Variants in MAP3K5 observed in about 807,000 individuals in gnomAD.
MAP3K5 encodes the protein mitogen-activated protein kinase kinase kinase 5, also known as ASK-1.
In MAP3K5, 56 loss-of-function variants were observed where a neutral mutation model predicts 158.7. The observed-to-expected ratio is 0.35, with a 90% CI of 0.28 to 0.44. MAP3K5 has a LOEUF of 0.44. Ranked by LOEUF, MAP3K5 falls within the 20% of genes least tolerant of loss-of-function variation. The pLI is 1.00. For missense variants in MAP3K5, 1,294 were observed against 1,674.8 expected (o/e 0.77, Z 3.97); for synonymous variants, 579 against 601.7 (o/e 0.96, Z 0.55).
At chr6:136,762,940 AAAT>A (rs896202637) in intron 1 of MAP3K5, among the ~76,000 whole-genome samples, 1 of 152,232 alleles carries the variant, frequency 6.6e-6, no homozygotes, top group African/African-American at 2.4e-5. Flanking sequence ...GGCTGCAATG[AAAT>A]AATACATACC....
chr6:136,669,471 T>G, intron 7 of MAP3K5, 76 bp from the exon 8 acceptor site: 2 of 825,494 alleles, frequency 2.4e-6, no homozygotes, highest in African/African-American at 1.7e-5. Flanking sequence ...TCTGTTTGTA[T>G]AACTCCAATG....
chr6:136,757,583 TTTA>T lies in MAP3K5; in HGVS notation c.448+34124_448+34126del, dbSNP rs1395334053. ...ATTTTATAGATTTATTTATTTATTT[TTTA>T]TTTTTTTTTTTTTTTTTTGAGACGG... On this transcript the variant is annotated intron_variant, in intron 1 of 29. Transcript: ENST00000359015. Among the ~76,000 whole-genome samples, 313 of 57,882 alleles carry T rather than the reference TTTA, an allele frequency of 5.4e-3. 2 individuals carry two copies. The highest frequency in any genetic ancestry group is 9.1e-3 in the Middle Eastern group (1 of 110). 38.0% of individuals were successfully genotyped at this position (57,882 alleles called of 152,430 possible). A position where few individuals can be genotyped will look rare whatever the true frequency, so the allele number is the denominator to read the frequency against.
chr6:136,714,495 G>A (rs1781439575), intron 2 of MAP3K5, among the ~76,000 whole-genome samples: 1 of 152,140 alleles, frequency 6.6e-6, no homozygotes, highest in Non-Finnish European at 1.5e-5. Context: ...ATGAGCAGTA[G>A]TTTTCAACGT....
chr6:136,718,166 A>G (rs755841757), intron 2 of MAP3K5, among the ~76,000 whole-genome samples: 13 of 152,192 alleles, frequency 8.5e-5, no homozygotes, highest in Non-Finnish European at 1.8e-4. Context: ...AATAGAAAAT[A>G]CATCTTACAG....
intron 1 of MAP3K5, among the ~76,000 whole-genome samples, chr6:136,745,713 C>T (rs1247619892): frequency 2.6e-5 from 4 of 152,148 alleles, no homozygotes; most frequent in South Asian, 2.1e-4. Flanking sequence ...TCAAAGCCTT[C>T]CAGCTACACA....
At chr6:136,709,924 C>T (rs1410915249) in intron 2 of MAP3K5, among the ~76,000 whole-genome samples, 1 of 152,114 alleles carries the variant, frequency 6.6e-6, no homozygotes, top group African/African-American at 2.4e-5. Flanking sequence ...AAGAGAGTCC[C>T]ATCTCTTAAA....
chr6:136,698,750 G>T, intron 3 of MAP3K5, 68 bp from the exon 4 acceptor site: 1 of 1,045,974 alleles, frequency 9.6e-7, no homozygotes, highest in Non-Finnish European at 1.4e-6. Flanking sequence ...GGAATCCCAC[G>T]TCTTACTCAT....
chr6:136,594,013 C>G (rs1427507492), intron 21 of MAP3K5, among the ~76,000 whole-genome samples: 1 of 152,158 alleles, frequency 6.6e-6, no homozygotes, highest in Non-Finnish European at 1.5e-5. Flanking sequence ...TGGTCAGTAA[C>G]TGGAAAGTCT....
At chr6:136,723,384 G>A (rs971646029) in intron 1 of MAP3K5, among the ~76,000 whole-genome samples, 26 of 151,860 alleles carry the variant, frequency 1.7e-4, no homozygotes, top group African/African-American at 5.6e-4. Context: ...AAAATATAAT[G>A]TATACATTAT....
Position 136,714,244 on chromosome 6 carries a change from A to G in MAP3K5, c.588+6206T>C, listed in dbSNP as rs1374699062. On this transcript the variant is annotated intron_variant, in intron 2 of 29. Coordinates refer to ENST00000359015, the MANE Select transcript of MAP3K5 (RefSeq NM_005923.4). The stretch of plus-strand genomic sequence containing the variant: ...TTCTCCAAATACAGGTAAGAATTCA[A>G]TTTAAGTGTGAGGTATTTGTAACAA... 2.0e-5 allele frequency among the ~76,000 whole-genome samples: 3 copies of G among 152,210 alleles called. No individual in the cohort carries two copies. In the East Asian group the frequency reaches 5.8e-4, roughly 29 times the overall value.
chr6:136,584,379 G>A (rs993395763), intron 23 of MAP3K5: 3 of 153,542 alleles, frequency 2.0e-5, no homozygotes, highest in African/African-American at 7.2e-5. Context: ...ATTTACAAAA[G>A]AAAGAGGTTT....
chr6:136,572,012 C>A (rs1774391505), intron 25 of MAP3K5, among the ~76,000 whole-genome samples: 1 of 152,170 alleles, frequency 6.6e-6, no homozygotes, highest in African/African-American at 2.4e-5. Flanking sequence ...AGGAGTAAGT[C>A]AAAATCATGT....
intron 15 of MAP3K5, among the ~76,000 whole-genome samples, chr6:136,614,807 T>C (rs973248558): frequency 5.3e-5 from 8 of 152,342 alleles, no homozygotes; most frequent in Non-Finnish European, 1.0e-4. Flanking sequence ...ATAATGTACA[T>C]TCCAGAACTT....
intron 9 of MAP3K5, 77 bp from the exon 10 acceptor site, chr6:136,656,537 G>T: frequency 2.3e-6 from 2 of 869,724 alleles, no homozygotes; most frequent in Non-Finnish European, 3.6e-6. Flanking sequence ...GTCTAATTCT[G>T]TAAATGTAAT....
At chr6:136,681,848 G>C (rs1779952246) in intron 7 of MAP3K5, among the ~76,000 whole-genome samples, 2 of 152,194 alleles carry the variant, frequency 1.3e-5, no homozygotes, top group Non-Finnish European at 2.9e-5. Flanking sequence ...GAACCTGGGA[G>C]GCAGAGCTTG....
intron 25 of MAP3K5, among the ~76,000 whole-genome samples, chr6:136,578,221 G>GA (rs757386310): frequency 7.2e-5 from 11 of 152,182 alleles, no homozygotes; most frequent in Non-Finnish European, 1.3e-4. Flanking sequence ...CTTAGAGCAT[G>GA]AATTTCTTAG....
rs553652137 is a variant in MAP3K5, at chr6:136,592,542, G to A, written c.2951C>T (p.Ser984Leu). The A allele has an allele frequency of 2.0e-5, 33 of 1,613,968 alleles. No homozygotes were observed. The East Asian group carries it at 6.5e-4, about 32-fold the overall frequency. Residue 984 changes from serine (S) to leucine (L), a missense_variant, in exon 22 of 30, where the codon TCA (serine) becomes TTA (leucine). Physicochemically the swap from Ser to Leu is moderately radical, Grantham distance 145 (BLOSUM62 -2). Transcript: ENST00000359015. ...EDTSSSSEYG[S>L]VSPDTELKVD... ...TTTCAACTCCGTGTCGGGTGAAACTGAGCCGTACTCACTGCTGCTGCTGGT... is the reference window on the plus strand; with the variant it reads ...TTTCAACTCCGTGTCGGGTGAAACTAAGCCGTACTCACTGCTGCTGCTGGT...
chr6:136,707,318 A>T (rs1158330952), intron 2 of MAP3K5, among the ~76,000 whole-genome samples: 1 of 152,256 alleles, frequency 6.6e-6, no homozygotes, highest in African/African-American at 2.4e-5. Flanking sequence ...GCTATGCTTT[A>T]TCAGAGAAAG....
chr6:136,782,986 T>C (rs1343731940), intron 1 of MAP3K5, among the ~76,000 whole-genome samples: 1 of 152,200 alleles, frequency 6.6e-6, no homozygotes, highest in Non-Finnish European at 1.5e-5. Flanking sequence ...TCAATACCTT[T>C]AGCCAAAGAG....
Sources: gnomAD v4.1 joint callset for allele counts (sites outside exome capture counted in the v4.1 genomes callset) on GRCh38, gnomAD v4.1.1 for gene constraint, MANE v1.5 for transcripts, NCBI Gene and HGNC (gene_info 2026-07-23, HGNC 2026-07-21) for gene names.